TLN2: variants seen among roughly 807,000 people sequenced by gnomAD.
TLN2 encodes talin-2.
In TLN2, 118 loss-of-function variants were observed where a neutral mutation model predicts 294.7. The ratio of observed to expected loss-of-function variants is 0.40; its 90% CI spans 0.34 to 0.47. The LOEUF is 0.47. Ranked by LOEUF, TLN2 falls within the 20% of genes least tolerant of loss-of-function variation. The pLI is 0.84. For missense variants in TLN2, 3,083 were observed against 3,282.2 expected (o/e 0.94, Z 1.48); for synonymous variants, 1,431 against 1,304.5 (o/e 1.10, Z -2.09).
intron 1 of TLN2, among the ~76,000 whole-genome samples, chr15:62,422,036 G>A (rs545573262): frequency 6.6e-6 from 1 of 151,910 alleles, no homozygotes; most frequent in East Asian, 1.9e-4. Context: ...CGAGGCAGGT[G>A]GATCACCTGA....
intron 1 of TLN2, among the ~76,000 whole-genome samples, chr15:62,473,131 C>T (rs1381999323): frequency 6.6e-6 from 1 of 152,154 alleles, no homozygotes; most frequent in African/African-American, 2.4e-5. Context: ...TGGCATTAGC[C>T]CAGAGCACAG....
intron 1 of TLN2, among the ~76,000 whole-genome samples, chr15:62,528,860 T>C (rs1476333812): frequency 1.3e-5 from 2 of 152,162 alleles, no homozygotes; most frequent in African/African-American, 2.4e-5. Context: ...AGCTGTGTGC[T>C]TGTTTACTTT....
intron 44 of TLN2, 125 bp from the exon 45 acceptor site, chr15:62,783,646 C>A: frequency 6.2e-6 from 9 of 1,445,288 alleles, no homozygotes; most frequent in Non-Finnish European, 8.2e-6. Flanking sequence ...GGCCTTCACC[C>A]CCTCAGGAGC....
At chr15:62,799,262 C>T (rs559465352) in intron 48 of TLN2, among the ~76,000 whole-genome samples, 19 of 152,030 alleles carry the variant, frequency 1.2e-4, no homozygotes, top group Non-Finnish European at 2.2e-4. Flanking sequence ...AAGGCAGTGG[C>T]GAGGAGTAAA....
At chr15:62,518,181 G>C (rs1191634819) in intron 1 of TLN2, among the ~76,000 whole-genome samples, 1 of 152,136 alleles carries the variant, frequency 6.6e-6, no homozygotes, top group African/African-American at 2.4e-5. Context: ...TGGGACTACA[G>C]GCATGCGTCA....
chr15:62,738,552 A>G (rs1302973298), intron 30 of TLN2, among the ~76,000 whole-genome samples: 1 of 152,058 alleles, frequency 6.6e-6, no homozygotes, highest in Non-Finnish European at 1.5e-5. Context: ...CCATGTTGCC[A>G]TTTCCTCTCG....
chr15:62,392,726 G>A (rs1181096127), intron 1 of TLN2, among the ~76,000 whole-genome samples: 1 of 152,172 alleles, frequency 6.6e-6, no homozygotes. Context: ...GAAGAGGCTA[G>A]AAGGGACCAC....
At chr15:62,495,036 G>C (rs1463836084) in intron 1 of TLN2, among the ~76,000 whole-genome samples, 1 of 152,232 alleles carries the variant, frequency 6.6e-6, no homozygotes, top group African/African-American at 2.4e-5. Context: ...CCCAAAGGCA[G>C]CTTTTACCAC....
In TLN2 at chr15:62,414,531, G is replaced by A. The variant is rs562924230; in HGVS notation, c.-238+23846G>A. ...TCACCCCCAAACTACTGAACCATAC[G>A]CTCTGGGCTGGGGCTCAGGAACCGT... is the stretch of plus-strand genomic sequence containing the variant. On this transcript the variant is annotated intron_variant, in intron 1 of 58. Coordinates refer to ENST00000636159, the MANE Select transcript of TLN2 (RefSeq NM_015059.3). Among the ~76,000 whole-genome samples, 72 of 140,274 alleles carry A rather than the reference G, an allele frequency of 5.1e-4. 21 individuals carry two copies. The South Asian group carries it at 0.02, about 39-fold the overall frequency. The allele number at this position is 140,274 out of a possible 152,430, so 92.0% of individuals were successfully genotyped here. A position where few individuals can be genotyped will look rare whatever the true frequency, so the allele number is the denominator to read the frequency against.
chr15:62,428,560 C>T (rs567880036), intron 1 of TLN2, among the ~76,000 whole-genome samples: 27 of 152,324 alleles, frequency 1.8e-4, no homozygotes, highest in South Asian at 4.1e-4. Flanking sequence ...ACTCCTTGCC[C>T]GGTGTGTCTG....
rs2057326089 is a variant in TLN2, at chr15:62,686,806, G to A, written c.1113+10G>A. 1 of 1,612,402 alleles carries A rather than the reference G, an allele frequency of 6.2e-7. No homozygotes were observed. Among genetic ancestry groups the A allele is most frequent in the African/African-American group, 1.3e-5 (1 of 74,874 alleles). On this transcript the variant is annotated intron_variant, in intron 12 of 58. Coordinates refer to ENST00000636159, the MANE Select transcript of TLN2 (RefSeq NM_015059.3). ...CAAGAGCTTCACACTGGTAGGGACT[G>A]GCAGAGGGCAAGGAGAGCACTAGCG...
At chr15:62,415,367 T>C (rs753176294) in intron 1 of TLN2, among the ~76,000 whole-genome samples, 2 of 142,124 alleles carry the variant, frequency 1.4e-5, no homozygotes, top group Non-Finnish European at 3.0e-5. Context: ...GTTTTTCACC[T>C]GTGTTCAGCT....
At chr15:62,604,599 G>A (rs2047272265) in intron 2 of TLN2, among the ~76,000 whole-genome samples, 2 of 150,690 alleles carry the variant, frequency 1.3e-5, no homozygotes, top group African/African-American at 2.4e-5. Flanking sequence ...CTTCATAAGA[G>A]AGAGGGAGCC....
At chr15:62,654,271 C>T (rs2052939816) in intron 7 of TLN2, among the ~76,000 whole-genome samples, 1 of 152,066 alleles carries the variant, frequency 6.6e-6, no homozygotes, top group East Asian at 1.9e-4. Context: ...GTTCCTCTGT[C>T]CCTTTTAATT....
At chr15:62,612,634 G>C (rs769603954) in intron 2 of TLN2, among the ~76,000 whole-genome samples, 3 of 152,098 alleles carry the variant, frequency 2.0e-5, no homozygotes, top group African/African-American at 4.8e-5. Flanking sequence ...CTGCTTGTTC[G>C]TGAGATTTTT....
At chr15:62,804,792 A>G (rs1314101104) in intron 50 of TLN2, among the ~76,000 whole-genome samples, 2 of 152,184 alleles carry the variant, frequency 1.3e-5, no homozygotes, top group Non-Finnish European at 2.9e-5. Context: ...ACTCTTCTGC[A>G]TCAGGGAAGC....
chr15:62,482,238 G>C (rs1329650592), intron 1 of TLN2, among the ~76,000 whole-genome samples: 1 of 152,066 alleles, frequency 6.6e-6, no homozygotes, highest in African/African-American at 2.4e-5. Flanking sequence ...CCACACTGTA[G>C]ACCCTTATGG....
At chr15:62,768,251 A>G (rs1451409671) in intron 41 of TLN2, among the ~76,000 whole-genome samples, 1 of 152,210 alleles carries the variant, frequency 6.6e-6, no homozygotes, top group Non-Finnish European at 1.5e-5. Context: ...AAGGTCTAAA[A>G]TCAGGTGGTG....
rs76278682 is a variant in TLN2, at chr15:62,441,532, C to T, written c.-238+50847C>T. On this transcript the variant is annotated intron_variant, in intron 1 of 58. Transcript: ENST00000636159. ...CACAGTCACTCAACAATCCTGACTC[C>T]ATTGTCTGTTGGGGCGGGAGGACGT... Among the ~76,000 whole-genome samples, 558 of 152,352 alleles carry T rather than the reference C, an allele frequency of 3.7e-3. 7 individuals carry two copies. Among genetic ancestry groups the T allele is most frequent in the East Asian group, 0.032 (166 of 5,190 alleles).
Sources: allele counts gnomAD v4.1 joint callset (sites outside exome capture counted in the v4.1 genomes callset), GRCh38; gene constraint gnomAD v4.1.1; transcripts MANE v1.5; gene names NCBI Gene and HGNC (gene_info 2026-07-23, HGNC 2026-07-21).